The following CEP112 variants were observed in gnomAD, a reference collection of about 807,000 sequenced individuals.
CEP112 encodes centrosomal protein of 112 kDa.
A neutral mutation model predicts 153.0 loss-of-function variants in CEP112; 127 were observed. The observed-to-expected ratio is 0.83, with a 90% confidence interval of 0.72 to 0.96. The LOEUF is 0.96. Ranked by LOEUF, CEP112 falls within the 40% of genes least tolerant of loss-of-function variation. The pLI, the probability that CEP112 is intolerant of heterozygous loss-of-function variation, is 0.00. For synonymous variants in CEP112, 358 were observed against 374.4 expected (o/e 0.96, Z 0.51); for missense variants, 1,089 against 1,101.2 (o/e 0.99, Z 0.16).
At position 66,053,716 on chromosome 17, in the gene CEP112, G is replaced by T. The variant is rs769105482; in HGVS notation, c.1218+20C>A. ...GAGAAGACAGGTTCTAAGATGTCAA[G>T]AACAGGTTTAAAGACTCACTGTGGA... On this transcript the variant is annotated intron_variant, in intron 12 of 26. Coordinates refer to ENST00000535342, the MANE Select transcript of CEP112 (RefSeq NM_001199165.4). 1.9e-6 allele frequency: 3 copies of T among 1,601,692 alleles called. No homozygotes were observed. The highest frequency in any genetic ancestry group is 1.7e-5 in the Admixed American group (1 of 59,104).
chr17:65,842,095 AT>A (rs1465897668), intron 21 of CEP112, among the ~76,000 whole-genome samples: 1 of 151,936 alleles, frequency 6.6e-6, no homozygotes, highest in African/African-American at 2.4e-5. Context: ...TCTAAATAGA[AT>A]TTTTTTCATC....
chr17:65,865,921 G>A (rs62065114), intron 20 of CEP112, among the ~76,000 whole-genome samples: 21,520 of 151,832 alleles, frequency 0.14, 1,567 homozygotes, highest in African/African-American at 0.16. Flanking sequence ...GCCCAGGGCG[G>A]TGCTGCGCTC....
At chr17:65,873,877 A>T (rs2058740957) in intron 20 of CEP112, among the ~76,000 whole-genome samples, 1 of 152,188 alleles carries the variant, frequency 6.6e-6, no homozygotes. Context: ...ATATGGGTAT[A>T]TAGCATATAC....
intron 20 of CEP112, among the ~76,000 whole-genome samples, chr17:65,871,840 TTA>T (rs2146510584): frequency 6.6e-6 from 1 of 152,270 alleles, no homozygotes; most frequent in East Asian, 1.9e-4. Context: ...TGCATTATGT[TTA>T]TAGTGTCAGT....
chr17:66,075,479 C>CA (rs764993005), intron 8 of CEP112, among the ~76,000 whole-genome samples: 2 of 150,876 alleles, frequency 1.3e-5, no homozygotes, highest in Non-Finnish European at 3.0e-5. Flanking sequence ...AATAGAATAA[C>CA]AAAAAAATAA....
In CEP112 at chr17:65,910,013, G is replaced by A. The variant is rs2060225876; in HGVS notation, c.1981-7679C>T. 4.6e-5 allele frequency among the ~76,000 whole-genome samples: 7 copies of A among 152,146 alleles called. No homozygotes were observed. The South Asian group carries it at 1.4e-3, about 32-fold the overall frequency. Reference sequence around the variant, plus strand: ...ACTAGAGAGAGATGAATCAAGTTAGGAAAGTAGGAAACTTGGACTGATTCT... The same window carrying A: ...ACTAGAGAGAGATGAATCAAGTTAGAAAAGTAGGAAACTTGGACTGATTCT... On this transcript the variant is annotated intron_variant, in intron 19 of 26. Transcript: ENST00000535342.
intron 4 of CEP112, among the ~76,000 whole-genome samples, chr17:66,173,290 C>T (rs540758134): frequency 1.0e-3 from 154 of 152,320 alleles, no homozygotes; most frequent in African/African-American, 3.6e-3. Flanking sequence ...TTAGCTCCAA[C>T]ATATGGCTGT....
At chr17:65,719,945 C>T (rs1245349062) in intron 23 of CEP112, among the ~76,000 whole-genome samples, 1 of 152,112 alleles carries the variant, frequency 6.6e-6, no homozygotes, top group Non-Finnish European at 1.5e-5. Context: ...GGGGACAAGC[C>T]TGGGGGCGGG....
intron 12 of CEP112, among the ~76,000 whole-genome samples, chr17:66,031,470 TTTG>T (rs1393055878): frequency 0.035 from 1,313 of 37,716 alleles, 17 homozygotes; most frequent in African/African-American, 0.082. Context: ...CCAGTTTTGT[TTTG>T]TTTTTTTTTT....
At chr17:65,636,100 A>C in intron 26 of CEP112, 126 bp from the exon 27 acceptor site, 1 of 872,924 alleles carries the variant, frequency 1.1e-6, no homozygotes, top group Non-Finnish European at 1.8e-6. Context: ...AAATGTCATA[A>C]TTTATGCTTA....
At chr17:65,717,545 T>C (rs9892443) in intron 23 of CEP112, among the ~76,000 whole-genome samples, 37,021 of 152,166 alleles carry the variant, frequency 0.24, 6,048 homozygotes, top group African/African-American at 0.46. Context: ...AGCTCTTCCT[T>C]CTGGTTCCAG....
intron 8 of CEP112, among the ~76,000 whole-genome samples, chr17:66,085,997 A>AG (rs59186164): frequency 5.3e-5 from 8 of 151,280 alleles, no homozygotes; most frequent in African/African-American, 1.7e-4. Flanking sequence ...AAAAAAAAAA[A>AG]GCAATGAAAT....
At chr17:66,037,695 C>T (rs1463632184) in intron 12 of CEP112, among the ~76,000 whole-genome samples, 1 of 152,088 alleles carries the variant, frequency 6.6e-6, no homozygotes, top group East Asian at 1.9e-4. Context: ...CCAATTACTT[C>T]ATCAGTAATA....
intron 21 of CEP112, among the ~76,000 whole-genome samples, chr17:65,804,141 A>G (rs1223551114): frequency 6.6e-6 from 1 of 152,200 alleles, no homozygotes; most frequent in East Asian, 1.9e-4. Flanking sequence ...AGTTGGGATT[A>G]ATTACTTTTA....
Position 65,851,919 on chromosome 17 carries a change from T to C in CEP112, c.2279A>G (p.Gln760Arg), listed in dbSNP as rs767597431. 2 of 1,614,170 alleles carry C rather than the reference T, an allele frequency of 1.2e-6. No homozygotes were observed. Among genetic ancestry groups the C allele is most frequent in the Non-Finnish European group, 1.7e-6 (2 of 1,180,018 alleles). ...ELGLLREEEK[Q>R]RATREHEIVV... ...AATCTCATGTTCCCTTGTAGCCCTT[T>C]GCTTTTCCTCTTCACGAAGAAGACC... is the stretch of plus-strand genomic sequence containing the variant. Residue 760 changes from glutamine (Q) to arginine (R), a missense_variant, in exon 21 of 27, where the codon CAA becomes CGA. By Grantham distance (43) the Gln-to-Arg change is conservative. Transcript: ENST00000535342.
intron 23 of CEP112, among the ~76,000 whole-genome samples, chr17:65,702,994 G>A (rs573246553): frequency 6.6e-6 from 1 of 152,100 alleles, no homozygotes; most frequent in East Asian, 1.9e-4. Context: ...GGGACACAGA[G>A]CCAAATCATA....
intron 10 of CEP112, among the ~76,000 whole-genome samples, chr17:66,064,467 T>C (rs1427561734): frequency 2.6e-5 from 4 of 152,226 alleles, no homozygotes; most frequent in Admixed American, 2.6e-4. Flanking sequence ...TTCTGGATAG[T>C]AAAATAAATT....
chr17:65,932,159 A>G (rs1698653592), intron 18 of CEP112, among the ~76,000 whole-genome samples: 1 of 152,212 alleles, frequency 6.6e-6, no homozygotes, highest in Non-Finnish European at 1.5e-5. Flanking sequence ...TATAACAGGC[A>G]GCAGCCCCTC....
intron 6 of CEP112, among the ~76,000 whole-genome samples, chr17:66,114,501 C>T (rs979484942): frequency 6.6e-6 from 1 of 152,096 alleles, no homozygotes; most frequent in Admixed American, 6.5e-5. Context: ...ACCAGTAACA[C>T]AACTAAAATA....
Sources: allele counts gnomAD v4.1 joint callset (sites outside exome capture counted in the v4.1 genomes callset), GRCh38; gene constraint gnomAD v4.1.1; transcripts MANE v1.5; gene names NCBI Gene and HGNC (gene_info 2026-07-23, HGNC 2026-07-21).